Variants in FRY observed in about 807,000 individuals in gnomAD.
The protein encoded by FRY is protein furry homolog.
FRY carries 128 observed loss-of-function variants against 348.4 expected under a neutral mutation model. The ratio of observed to expected loss-of-function variants is 0.37; its 90% CI spans 0.32 to 0.43. The LOEUF is 0.43. Among genes scored for constraint, FRY ranks in the 20% least tolerant of loss-of-function variants. FRY has a pLI of 1.00. For missense variants in FRY, 2,736 were observed against 3,695.2 expected, an observed-to-expected ratio of 0.74 and a Z score of 6.73; for synonymous variants, 1,370 against 1,374.7, an observed-to-expected ratio of 1.00 and a Z score of 0.08.
intron 58 of FRY, among the ~76,000 whole-genome samples, chr13:32,278,927 T>C (rs530275817): frequency 3.3e-5 from 5 of 152,358 alleles, no homozygotes; most frequent in Admixed American, 6.5e-5. Flanking sequence ...GCAGTCACTC[T>C]AAAACAGATT....
chr13:32,103,936 C>T (rs1383843796), intron 3 of FRY, among the ~76,000 whole-genome samples: 1 of 151,886 alleles, frequency 6.6e-6, no homozygotes, highest in Admixed American at 6.6e-5. Flanking sequence ...GCACTCAAAC[C>T]TGGGTAACAG....
chr13:32,234,119 CA>C (rs11322238), intron 41 of FRY, among the ~76,000 whole-genome samples: 33,176 of 76,096 alleles, frequency 0.44, 4,656 homozygotes, highest in African/African-American at 0.57. Context: ...ACCCTGTTTC[CA>C]AAAAAAAAAA....
chr13:32,159,008 A>G (rs1019365921), intron 16 of FRY, among the ~76,000 whole-genome samples: 6 of 151,646 alleles, frequency 4.0e-5, no homozygotes, highest in African/African-American at 1.2e-4. Flanking sequence ...TTCGTAATCA[A>G]TAGGCATCAT....
chr13:32,168,052 AAG>A (rs1165159051), intron 17 of FRY, among the ~76,000 whole-genome samples: 2 of 152,168 alleles, frequency 1.3e-5, no homozygotes, highest in African/African-American at 4.8e-5. Flanking sequence ...TATAGAGAGA[AAG>A]AGATTTATTG....
At chr13:32,125,227 T>C (rs1271381450) in intron 7 of FRY, among the ~76,000 whole-genome samples, 2 of 152,214 alleles carry the variant, frequency 1.3e-5, no homozygotes, top group African/African-American at 4.8e-5. Flanking sequence ...CAATATATCA[T>C]CTATCAGTGG....
chr13:32,257,951 A>G, intron 51 of FRY: 2 of 1,606,520 alleles, frequency 1.2e-6, no homozygotes, highest in African/African-American at 1.3e-5. Context: ...TGCTCATTCA[A>G]TCTGCTACCC....
At chr13:32,194,409 G>C in intron 29 of FRY, 112 bp downstream of exon 29, 1 of 955,124 alleles carries the variant, frequency 1.0e-6, no homozygotes, top group East Asian at 2.5e-5. Flanking sequence ...AGTTCTATGA[G>C]AATATAAAAT....
Position 32,295,450 on chromosome 13 carries a change from C to G in FRY, c.9032C>G (p.Thr3011Ser), listed in dbSNP as rs746105239. The change falls in exon 61 of 61, where the codon ACT becomes AGT. Residue 3011 changes from threonine to serine, a missense_variant. Around this residue, in one of 9 missense-constraint regions of FRY, gnomAD observed 157 missense variants for 215.2 expected, o/e 0.73. Transcript: ENST00000542859. ...TFLPDSSVSG[T>S]SL ...CTTCCAGACTCCAGTGTTTCTGGCA[C>G]TAGTCTCTGACAGGAGCCTCCTGTC... 14 of 1,610,716 alleles carry G rather than the reference C, an allele frequency of 8.7e-6. No individual in the cohort carries two copies. The African/African-American group carries it at 1.3e-4, about 15-fold the overall frequency.
At chr13:32,082,138 C>G (rs963128855) in intron 2 of FRY, among the ~76,000 whole-genome samples, 1 of 149,836 alleles carries the variant, frequency 6.7e-6, no homozygotes, top group Non-Finnish European at 1.5e-5. Flanking sequence ...CACCCATTAG[C>G]TTGTGTGGAG....
rs73462625 is a variant in FRY at position 32,147,557 on chromosome 13, C to T, written c.1283+172C>T. On this transcript the variant is annotated intron_variant, in intron 12 of 60. Coordinates refer to ENST00000542859, the MANE Select transcript of FRY (RefSeq NM_023037.3). ...CTTTCCATAGTCATTGGCTCAACACCCATTACAAAAGCTCCAGCCTCTACC... is the reference window on the plus strand; with the variant it reads ...CTTTCCATAGTCATTGGCTCAACACTCATTACAAAAGCTCCAGCCTCTACC... Among the ~76,000 whole-genome samples, 1,371 of 152,266 alleles carry T rather than the reference C, an allele frequency of 9.0e-3. 20 individuals carry two copies. The highest frequency in any genetic ancestry group is 0.03 in the African/African-American group (1,260 of 41,548).
chr13:32,203,818 T>C (rs1884188461), intron 31 of FRY, among the ~76,000 whole-genome samples: 1 of 152,224 alleles, frequency 6.6e-6, no homozygotes, highest in African/African-American at 2.4e-5. Context: ...ATCCTGTTTT[T>C]CCATCTCTAT....
chr13:32,123,563 C>T (rs1035252708), intron 4 of FRY, among the ~76,000 whole-genome samples: 1 of 152,160 alleles, frequency 6.6e-6, no homozygotes, highest in Non-Finnish European at 1.5e-5. Context: ...TTCTTGTTTC[C>T]TTACATTGTT....
At chr13:32,225,704 C>A in intron 38 of FRY, 85 bp from the exon 39 acceptor site, 1 of 1,028,490 alleles carries the variant, frequency 9.7e-7, no homozygotes, top group South Asian at 1.3e-5. Context: ...CATGTTCCTC[C>A]TGAGTATCCT....
rs1253795024 is a variant in FRY, at chr13:32,261,792, C to T, written c.7593C>T (p.Ser2531=). 3 of 1,614,152 alleles carry T rather than the reference C, an allele frequency of 1.9e-6. No homozygotes were observed. Among genetic ancestry groups the T allele is most frequent in the South Asian group, 2.2e-5 (2 of 91,078 alleles). ...ESSEEEDLTA[S]QILEHSDLIM... ...CCGAGGAGGAGGACCTCACAGCCAG[C>T]CAGATCCTGGAGCACTCAGACCTAG... Residue 2531 remains serine (S), a synonymous_variant, in exon 52 of 61, where the codon AGC becomes AGT. Transcript: ENST00000542859.
chr13:32,209,180 C>T, intron 32 of FRY, 71 bp downstream of exon 32: 1 of 1,544,724 alleles, frequency 6.5e-7, no homozygotes, highest in Non-Finnish European at 8.9e-7. Context: ...GTTAGTCAAA[C>T]CCCGGGGAAA....
Position 32,294,551 on chromosome 13 carries a change from C to T in FRY, c.8764C>T (p.Arg2922Trp), listed in dbSNP as rs762239335. 1.5e-5 allele frequency: 25 copies of T among 1,613,664 alleles called. No individual in the cohort carries two copies. The Admixed American group carries it at 1.7e-4, about 11-fold the overall frequency. ...LKNNELGKAL[R>W]QIRECRSLWP... ...GAACAACGAACTCGGCAAAGCTTTG[C>T]GGCAGATCAGGGAGTGCAGGTGACT... The change falls in exon 60 of 61, where the codon CGG (arginine) becomes TGG (tryptophan). Residue 2922 changes from arginine (R) to tryptophan (W), a missense_variant. Around this residue, in one of 9 missense-constraint regions of FRY, gnomAD observed 157 missense variants for 215.2 expected, o/e 0.73. Transcript: ENST00000542859.
In FRY at chr13:32,089,587, A is replaced by AC. The variant is rs560597158; in HGVS notation, c.270+10560dup. ...AGACCAGCCTGTGCAACGTGGTGAG[A>AC]CCCCCCATCTCTATCTACAAAAAAT... On this transcript the variant is annotated intron_variant, in intron 2 of 60. Coordinates refer to ENST00000542859, the MANE Select transcript of FRY (RefSeq NM_023037.3). 3.8e-4 allele frequency among the ~76,000 whole-genome samples: 58 copies of AC among 151,828 alleles called. 1 individual carries two copies. In the South Asian group the frequency reaches 4.6e-3, roughly 12 times the overall value.
At chr13:32,195,620 G>A (rs1335911300) in intron 29 of FRY, among the ~76,000 whole-genome samples, 1 of 152,064 alleles carries the variant, frequency 6.6e-6, no homozygotes, top group Non-Finnish European at 1.5e-5. Flanking sequence ...ACATTACACT[G>A]CATTTCTCTG....
At chr13:32,036,552 A>G (rs1360537769) in intron 1 of FRY, among the ~76,000 whole-genome samples, 1 of 152,062 alleles carries the variant, frequency 6.6e-6, no homozygotes, top group Non-Finnish European at 1.5e-5. Flanking sequence ...ACTATGCTCC[A>G]TGATTTATAT....
Sources: gnomAD v4.1 joint callset for allele counts (sites outside exome capture counted in the v4.1 genomes callset) on GRCh38, gnomAD v4.1.1 for gene constraint, gnomAD v4.1.1 regional missense constraint, MANE v1.5 for transcripts, NCBI Gene and HGNC (gene_info 2026-07-23, HGNC 2026-07-21) for gene names.